The following AGBL4 variants were observed in gnomAD, a reference collection of about 807,000 sequenced individuals.
AGBL4 encodes AGBL carboxypeptidase 4.
AGBL4 carries 58 observed loss-of-function variants against 66.4 expected under a neutral mutation model. That is an observed-to-expected ratio of 0.87 (90% CI 0.71 to 1.09). The LOEUF is 1.09. Ranked by LOEUF, AGBL4 falls within the 50% of genes least tolerant of loss-of-function variation. The probability of loss-of-function intolerance (pLI) is 0.00; values close to 1 mark genes in which losing one functional copy is unlikely to be tolerated. For synonymous variants in AGBL4, 234 were observed against 222.9 expected (o/e 1.05, Z -0.44); for missense variants, 579 against 631.0 (o/e 0.92, Z 0.88).
At position 49,686,902 on chromosome 1, in the gene AGBL4, A is replaced by G. The variant is rs553813254; in HGVS notation, c.282+10411T>C. ...TACCAACCCTGGCAGTCTGACTCCA[A>G]AGCTTGAGCTTAATCCAAATGAATA... On this transcript the variant is annotated intron_variant, in intron 3 of 13. Transcript: ENST00000371839. 2.6e-5 allele frequency among the ~76,000 whole-genome samples: 4 copies of G among 152,334 alleles called. No homozygotes were observed. The East Asian group carries it at 7.7e-4, about 29-fold the overall frequency.
intron 1 of AGBL4, among the ~76,000 whole-genome samples, chr1:49,984,765 AC>A (rs1659361332): frequency 1.3e-5 from 2 of 152,250 alleles, no homozygotes; most frequent in South Asian, 4.1e-4. Flanking sequence ...CATAATTGAA[AC>A]AAAAGCAGCT....
At chr1:49,948,555 A>T (rs1655750702) in intron 1 of AGBL4, among the ~76,000 whole-genome samples, 1 of 115,558 alleles carries the variant, frequency 8.7e-6, no homozygotes. Context: ...ATATATATAA[A>T]TATATAAAAA....
rs548942916 is a variant in AGBL4 at position 49,119,635 on chromosome 1, G to C, written c.378-73835C>G. On this transcript the variant is annotated intron_variant, in intron 4 of 13. Coordinates refer to ENST00000371839, the MANE Select transcript of AGBL4 (RefSeq NM_032785.4). Reference sequence around the variant, plus strand: ...ACTTCCAACTATGTGGTCAATTTTCGAATAAGTGTTATGTGGTGCTGAGAA... The same window carrying C: ...ACTTCCAACTATGTGGTCAATTTTCCAATAAGTGTTATGTGGTGCTGAGAA... Among the ~76,000 whole-genome samples, 8 of 152,240 alleles carry C rather than the reference G, an allele frequency of 5.3e-5. No individual in the cohort carries two copies. In the South Asian group the frequency reaches 1.0e-3, roughly 20 times the overall value.
intron 11 of AGBL4, among the ~76,000 whole-genome samples, chr1:48,579,681 C>A (rs184958141): frequency 7.4e-5 from 11 of 149,154 alleles, no homozygotes; most frequent in African/African-American, 1.2e-4. Context: ...GAGGCTGAGG[C>A]GGATGGATCA....
At chr1:49,863,990 A>G (rs570285426) in intron 1 of AGBL4, among the ~76,000 whole-genome samples, 2 of 152,330 alleles carry the variant, frequency 1.3e-5, no homozygotes, top group Admixed American at 6.5e-5. Context: ...TGTTTGATGC[A>G]GCACTTTGGG....
At chr1:49,080,953 T>C (rs1251866193) in intron 4 of AGBL4, among the ~76,000 whole-genome samples, 2 of 152,182 alleles carry the variant, frequency 1.3e-5, no homozygotes, top group African/African-American at 2.4e-5. Context: ...ATTGTTTCTC[T>C]AAAACAATTA....
intron 4 of AGBL4, among the ~76,000 whole-genome samples, chr1:49,119,931 T>C (rs1282302999): frequency 6.6e-6 from 1 of 152,220 alleles, no homozygotes; most frequent in Non-Finnish European, 1.5e-5. Flanking sequence ...TATTATTATG[T>C]AATGGCCTTC....
intron 5 of AGBL4, among the ~76,000 whole-genome samples, chr1:48,993,385 T>G (rs188917396): frequency 6.6e-6 from 1 of 152,134 alleles, no homozygotes; most frequent in Non-Finnish European, 1.5e-5. Context: ...TCTGAACTCT[T>G]CTCTCTTCTC....
chr1:48,704,039 C>T (rs1646843626), intron 6 of AGBL4, among the ~76,000 whole-genome samples: 1 of 152,202 alleles, frequency 6.6e-6, no homozygotes, highest in Non-Finnish European at 1.5e-5. Flanking sequence ...GTACCTATGG[C>T]TCCTAGGCTA....
At chr1:48,538,328 A>T (rs1644006435) in intron 12 of AGBL4, among the ~76,000 whole-genome samples, 1 of 152,228 alleles carries the variant, frequency 6.6e-6, no homozygotes, top group Admixed American at 6.5e-5. Flanking sequence ...TTGAGCATCT[A>T]CTAGCTGCTG....
At chr1:50,022,638 ACACACAC>A (rs1662534302) in intron 1 of AGBL4, among the ~76,000 whole-genome samples, 4 of 151,504 alleles carry the variant, frequency 2.6e-5, no homozygotes, top group Non-Finnish European at 4.4e-5. Context: ...ACACACACAC[ACACACAC>A]ACACACACAC....
chr1:49,719,616 G>C (rs1324046913), intron 2 of AGBL4, among the ~76,000 whole-genome samples: 1 of 152,062 alleles, frequency 6.6e-6, no homozygotes, highest in African/African-American at 2.4e-5. Flanking sequence ...ATGCAGAACT[G>C]TCATTAGCCC....
chr1:49,797,267 A>G (rs1571587367), intron 2 of AGBL4, among the ~76,000 whole-genome samples: 2 of 152,316 alleles, frequency 1.3e-5, no homozygotes, highest in South Asian at 4.1e-4. Context: ...CAAATCAGTG[A>G]TGAAATTGTG....
intron 3 of AGBL4, among the ~76,000 whole-genome samples, chr1:49,341,066 T>C (rs1214106268): frequency 1.3e-5 from 2 of 152,170 alleles, no homozygotes; most frequent in African/African-American, 2.4e-5. Flanking sequence ...GGTGGACACA[T>C]TCCTCCTTTT....
chr1:48,939,452 T>C (rs929075795), intron 5 of AGBL4, among the ~76,000 whole-genome samples: 34 of 152,188 alleles, frequency 2.2e-4, no homozygotes, highest in Non-Finnish European at 4.4e-4. Flanking sequence ...ATTTTAGCAC[T>C]TTAATTAACA....
intron 6 of AGBL4, among the ~76,000 whole-genome samples, chr1:48,762,190 C>G (rs1409514060): frequency 6.6e-6 from 1 of 152,180 alleles, no homozygotes; most frequent in East Asian, 1.9e-4. Flanking sequence ...AAAGAGGCCT[C>G]TGGCACCTCG....
At chr1:49,301,051 G>T (rs1370888023) in intron 3 of AGBL4, among the ~76,000 whole-genome samples, 2 of 152,146 alleles carry the variant, frequency 1.3e-5, no homozygotes, top group African/African-American at 4.8e-5. Flanking sequence ...TGTCTTGTTT[G>T]TGGCATATAA....
chr1:49,504,592 T>C (rs1201251094), intron 3 of AGBL4, among the ~76,000 whole-genome samples: 2 of 152,118 alleles, frequency 1.3e-5, no homozygotes, highest in Non-Finnish European at 2.9e-5. Flanking sequence ...CATTACATAA[T>C]GTCTTCTTTG....
chr1:49,921,878 T>A (rs529214229), intron 1 of AGBL4, among the ~76,000 whole-genome samples: 18 of 152,174 alleles, frequency 1.2e-4, no homozygotes, highest in Admixed American at 9.2e-4. Context: ...CTCTCCCTCC[T>A]CCCAGTCCAC....
Sources: gnomAD v4.1 joint callset for allele counts (sites outside exome capture counted in the v4.1 genomes callset) on GRCh38, gnomAD v4.1.1 for gene constraint, MANE v1.5 for transcripts, NCBI Gene and HGNC (gene_info 2026-07-23, HGNC 2026-07-21) for gene names.